Variants in TRAPPC10 observed in about 807,000 individuals in gnomAD.
TRAPPC10 encodes the protein trafficking protein particle complex subunit 10, also known as TRAPP 130 kDa subunit.
Under a neutral mutation model 125.5 loss-of-function variants are expected in TRAPPC10, and 23 were observed. The observed-to-expected ratio is 0.18, with a 90% CI of 0.13 to 0.26. The LOEUF (loss-of-function observed/expected upper bound fraction) is 0.26, where lower values mean the gene tolerates loss of function less well. Among genes scored for constraint, TRAPPC10 ranks in the 10% least tolerant of loss-of-function variants. The pLI, the probability that TRAPPC10 is intolerant of heterozygous loss-of-function variation, is 1.00. For missense variants in TRAPPC10, 1,123 were observed against 1,308.4 expected, an observed-to-expected ratio of 0.86 and a Z score of 2.19; for synonymous variants, 509 against 518.0, an observed-to-expected ratio of 0.98 and a Z score of 0.24.
chr21:44,070,579 C>T (rs1347512648), intron 7 of TRAPPC10, among the ~76,000 whole-genome samples: 3 of 152,196 alleles, frequency 2.0e-5, no homozygotes, highest in Admixed American at 6.5e-5. Context: ...GCATGGCCTT[C>T]GTGCTGTTGG....
intron 3 of TRAPPC10, chr21:44,046,501 T>G: frequency 4.6e-6 from 1 of 215,056 alleles, no homozygotes. Context: ...ACGCTTTACC[T>G]TTAAGTTTTT....
At chr21:44,070,483 G>T (rs578171328) in intron 7 of TRAPPC10, among the ~76,000 whole-genome samples, 1 of 152,326 alleles carries the variant, frequency 6.6e-6, no homozygotes, top group East Asian at 1.9e-4. Flanking sequence ...CTGCCATTCA[G>T]TCTCAGGCTC....
At position 44,063,542 on chromosome 21, in the gene TRAPPC10, T is replaced by C; in HGVS notation, c.795T>C (p.Gly265=). 1 of 1,614,178 alleles carries C rather than the reference T, an allele frequency of 6.2e-7. No homozygotes were observed. The highest frequency in any genetic ancestry group is 8.5e-7 in the Non-Finnish European group (1 of 1,180,024). The change falls in exon 7 of 23, where the codon GGT becomes GGC. Residue 265 remains glycine (G), a synonymous_variant. Transcript: ENST00000291574. This position sits in a 1 kb window ranked among gnomAD's most constrained non-coding sequence, Gnocchi z 4.4. ...QYVVNFGAGD[G]ANWLTFFCQP... ...TCATGATGTGTGTTTGTTTAGATGG[T>C]GCCAACTGGCTGACTTTTTTCTGCC...
rs751477354 is a variant in TRAPPC10, at chr21:44,074,320, A to G, written c.1039-4A>G. 2 of 1,613,698 alleles carry G rather than the reference A, an allele frequency of 1.2e-6. No individual in the cohort carries two copies. The highest frequency in any genetic ancestry group is 1.7e-6 in the Non-Finnish European group (2 of 1,180,006). ...CTCACACGTTCGCATTTGCACCCCC[A>G]CAGGTCTCTGTCCCACCTGGTGCTC... is the stretch of plus-strand genomic sequence containing the variant. On this transcript the variant is annotated splice_polypyrimidine_tract_variant and splice_region_variant and intron_variant, in intron 7 of 22. Coordinates refer to ENST00000291574, the MANE Select transcript of TRAPPC10 (RefSeq NM_003274.5).
At chr21:44,052,552 T>C in intron 4 of TRAPPC10, 76 bp downstream of exon 4, 1 of 1,377,076 alleles carries the variant, frequency 7.3e-7, no homozygotes. Flanking sequence ...TGGGTAGTAA[T>C]AAATATTTAC....
chr21:44,044,366 T>A (rs1489563577), intron 3 of TRAPPC10, among the ~76,000 whole-genome samples: 1 of 152,010 alleles, frequency 6.6e-6, no homozygotes, highest in East Asian at 1.9e-4. Flanking sequence ...AGGAGTAAGT[T>A]GATAATATTG....
chr21:44,086,753 C>G, intron 15 of TRAPPC10, 49 bp from the exon 16 acceptor site: 1 of 1,600,628 alleles, frequency 6.2e-7, no homozygotes, highest in Non-Finnish European at 8.6e-7. Flanking sequence ...CCCTGAGATG[C>G]TGTCTTCCGG....
At chr21:44,015,757 G>A (rs2031764967) in intron 1 of TRAPPC10, among the ~76,000 whole-genome samples, 1 of 152,048 alleles carries the variant, frequency 6.6e-6, no homozygotes, top group Admixed American at 6.6e-5. Flanking sequence ...TGGGATTACA[G>A]GCGTACACCA....
chr21:44,069,125 G>A (rs1234441625), intron 7 of TRAPPC10, among the ~76,000 whole-genome samples: 6 of 152,116 alleles, frequency 3.9e-5, no homozygotes. Flanking sequence ...CCTTAAATAG[G>A]ACATGAAACC....
chr21:44,032,068 G>T lies in TRAPPC10; in HGVS notation c.68-23G>T, dbSNP rs2033622638. On this transcript the variant is annotated intron_variant, in intron 1 of 22. Transcript: ENST00000291574. The stretch of plus-strand genomic sequence containing the variant: ...GTATTCACCTAAAAATATGGTAACT[G>T]AATTTCTTTCTTCCCTTCATAGGTG... 2.5e-6 allele frequency: 4 copies of T among 1,594,664 alleles called. No individual in the cohort carries two copies. In the African/African-American group the frequency reaches 4.0e-5, roughly 16 times the overall value.
chr21:44,039,454 A>G (rs966257971), intron 3 of TRAPPC10, among the ~76,000 whole-genome samples: 1 of 152,168 alleles, frequency 6.6e-6, no homozygotes, highest in African/African-American at 2.4e-5. Context: ...CTTGTGCTGG[A>G]GTCAGCCGCG....
intron 7 of TRAPPC10, among the ~76,000 whole-genome samples, chr21:44,066,010 T>C (rs1321347299): frequency 1.3e-5 from 2 of 152,190 alleles, no homozygotes; most frequent in Non-Finnish European, 2.9e-5. Context: ...TTTTTCTCTC[T>C]TGTGCAGTAG....
chr21:44,092,376 A>C (rs1472418006), intron 19 of TRAPPC10, among the ~76,000 whole-genome samples: 2 of 152,216 alleles, frequency 1.3e-5, no homozygotes, highest in African/African-American at 4.8e-5. Context: ...CCAGAGCCTG[A>C]TGCCTGCCAG....
chr21:44,073,613 T>C (rs1037161281), intron 7 of TRAPPC10, among the ~76,000 whole-genome samples: 8 of 152,150 alleles, frequency 5.3e-5, no homozygotes, highest in Non-Finnish European at 1.5e-5. Flanking sequence ...CATGAACAGT[T>C]ACAGTAGGCG....
intron 3 of TRAPPC10, among the ~76,000 whole-genome samples, chr21:44,051,886 A>G (rs1377017446): frequency 6.6e-6 from 1 of 152,222 alleles, no homozygotes; most frequent in Non-Finnish European, 1.5e-5. Context: ...GGCACGGCAC[A>G]CAGCAGGATG....
intron 20 of TRAPPC10, among the ~76,000 whole-genome samples, chr21:44,095,180 T>C (rs2038842421): frequency 6.6e-6 from 1 of 151,074 alleles, no homozygotes; most frequent in Admixed American, 6.6e-5. Flanking sequence ...GCCAAGTAGC[T>C]GGGACCACAG....
intron 1 of TRAPPC10, among the ~76,000 whole-genome samples, chr21:44,029,084 C>T (rs1445085725): frequency 6.6e-6 from 1 of 151,502 alleles, no homozygotes; most frequent in African/African-American, 2.4e-5. Flanking sequence ...TGTTCACCAT[C>T]TTTTTTTTTG....
chr21:44,021,228 C>T (rs2032468637), intron 1 of TRAPPC10, among the ~76,000 whole-genome samples: 1 of 152,096 alleles, frequency 6.6e-6, no homozygotes, highest in Admixed American at 6.5e-5. Context: ...AGGAGTTGGG[C>T]TGTTTTCATC....
chr21:44,081,020 T>TTTTTTTTTTTTTTTTTTG (rs2037690729), intron 13 of TRAPPC10, among the ~76,000 whole-genome samples: 1 of 134,914 alleles, frequency 7.4e-6, no homozygotes, highest in Non-Finnish European at 1.5e-5. Context: ...TTTTTTTCTT[T>TTTTTTTTTTTTTTTTTTG]TTTTTTTTTT....
Sources: allele counts gnomAD v4.1 joint callset (sites outside exome capture counted in the v4.1 genomes callset), GRCh38; gene constraint gnomAD v4.1.1; non-coding constraint Gnocchi (gnomAD v3.1); transcripts MANE v1.5; gene names NCBI Gene and HGNC (gene_info 2026-07-23, HGNC 2026-07-21).